CLVS2: variants seen among roughly 807,000 people sequenced by gnomAD.
CLVS2 encodes clavesin 2.
In CLVS2, 19 loss-of-function variants were observed where a neutral mutation model predicts 29.0. That is an observed-to-expected ratio of 0.66 (90% confidence interval 0.46 to 0.96). The LOEUF (loss-of-function observed/expected upper bound fraction) is 0.96, where lower values mean the gene tolerates loss of function less well. Among genes scored for constraint, CLVS2 ranks in the 40% least tolerant of loss-of-function variants. CLVS2 has a pLI of 0.00. For synonymous variants in CLVS2, 161 were observed against 151.3 expected (o/e 1.06, Z -0.47); for missense variants, 294 against 404.1 (o/e 0.73, Z 2.34).
intron 3 of CLVS2, among the ~76,000 whole-genome samples, chr6:123,047,655 CT>C (rs922879901): frequency 6.6e-5 from 10 of 152,100 alleles, no homozygotes; most frequent in Non-Finnish European, 1.3e-4. Context: ...AGTTCCTTTA[CT>C]TTTCTTTTCT....
intron 5 of CLVS2, among the ~76,000 whole-genome samples, chr6:123,061,160 G>T (rs1772772117): frequency 6.6e-6 from 1 of 152,118 alleles, no homozygotes; most frequent in African/African-American, 2.4e-5. Flanking sequence ...AATTAGCCAG[G>T]CATGGTGGTG....
chr6:123,015,438 A>G (rs1774813112), intron 3 of CLVS2, among the ~76,000 whole-genome samples: 4 of 152,070 alleles, frequency 2.6e-5, no homozygotes, highest in African/African-American at 2.4e-5. Flanking sequence ...TAGGATAGGA[A>G]GTGAAACTTT....
In CLVS2 at chr6:123,059,202, AAG is replaced by A. The variant is rs138754550; in HGVS notation, c.896+3179_896+3180del. On this transcript the variant is annotated intron_variant, in intron 5 of 5. Transcript: ENST00000275162. ...TCCCAATCAAAGGTCAGCTCCTCGA[AAG>A]AGTCTTTTGATCTTTGTCACCCACC... Among the ~76,000 whole-genome samples the A allele has an allele frequency of 5.4e-3, 829 of 152,180 alleles. 8 individuals carry two copies. Among genetic ancestry groups the A allele is most frequent in the East Asian group, 0.012 (62 of 5,170 alleles).
chr6:123,047,188 A>T (rs1229914851), intron 3 of CLVS2, among the ~76,000 whole-genome samples: 3 of 152,026 alleles, frequency 2.0e-5, no homozygotes, highest in Non-Finnish European at 4.4e-5. Flanking sequence ...ATAATTATTA[A>T]TAATAATATT....
At chr6:123,057,949 A>G (rs1220684451) in intron 5 of CLVS2, among the ~76,000 whole-genome samples, 1 of 152,148 alleles carries the variant, frequency 6.6e-6, no homozygotes, top group Non-Finnish European at 1.5e-5. Context: ...GTAAGTATGA[A>G]TGTACTATAT....
At chr6:123,007,680 A>G (rs1352921412) in intron 2 of CLVS2, among the ~76,000 whole-genome samples, 1 of 152,134 alleles carries the variant, frequency 6.6e-6, no homozygotes, top group Middle Eastern at 3.2e-3. Context: ...TCAGTTGTAA[A>G]ATTTCTTATT....
intron 4 of CLVS2, among the ~76,000 whole-genome samples, chr6:123,054,801 A>G (rs1772669770): frequency 6.6e-6 from 1 of 152,030 alleles, no homozygotes; most frequent in Non-Finnish European, 1.5e-5. Context: ...AATCTTGAGT[A>G]TGTGGCTTGA....
At chr6:123,018,683 T>A (rs200889478) in intron 3 of CLVS2, among the ~76,000 whole-genome samples, 17 of 135,098 alleles carry the variant, frequency 1.3e-4, no homozygotes, top group African/African-American at 2.5e-4. Context: ...TTTTTTTTTT[T>A]TTAAAAAAAA....
chr6:123,023,068 G>T (rs1443171600), intron 3 of CLVS2, among the ~76,000 whole-genome samples: 1 of 152,074 alleles, frequency 6.6e-6, no homozygotes, highest in Non-Finnish European at 1.5e-5. Flanking sequence ...CAGTTTTATA[G>T]ATATTTAGAA....
intron 3 of CLVS2, among the ~76,000 whole-genome samples, chr6:123,042,735 G>C (rs1775250797): frequency 6.6e-6 from 1 of 152,174 alleles, no homozygotes; most frequent in Non-Finnish European, 1.5e-5. Flanking sequence ...GAAGGCAAGT[G>C]AATGGCTTGC....
intron 4 of CLVS2, among the ~76,000 whole-genome samples, chr6:123,053,174 G>A (rs560337513): frequency 1.6e-4 from 24 of 152,056 alleles, no homozygotes; most frequent in Middle Eastern, 3.4e-3. Flanking sequence ...GTGAAACCCC[G>A]TCTCTACTAA....
In CLVS2 at chr6:122,997,284, C is replaced by G. The variant is rs1774522790; in HGVS notation, c.-494C>G. The G allele has an allele frequency of 1.2e-5, 2 of 169,546 alleles. No individual in the cohort carries two copies. Among genetic ancestry groups the G allele is most frequent in the Non-Finnish European group, 1.4e-5 (1 of 69,918 alleles). 10.5% of individuals were successfully genotyped at this position (169,546 alleles called of 1,614,324 possible). ...CCTTATTATTAATCAGAATTTCCAT[C>G]GCCACCCCTGGCAGGCGTATCCTTC... On this transcript the variant is annotated 5_prime_UTR_variant, in exon 2 of 6. In the 5' UTR this introduces an upstream ATG that the reference lacks. Coordinates refer to ENST00000275162, the MANE Select transcript of CLVS2 (RefSeq NM_001010852.4).
chr6:123,038,829 T>C (rs1051129264), intron 3 of CLVS2, among the ~76,000 whole-genome samples: 2 of 152,206 alleles, frequency 1.3e-5, no homozygotes, highest in Non-Finnish European at 2.9e-5. Context: ...CCAACATTTT[T>C]CCTAATTACA....
Position 123,033,370 on chromosome 6 carries a change from A to G in CLVS2, c.565-15252A>G, listed in dbSNP as rs540945739. On this transcript the variant is annotated intron_variant, in intron 3 of 5. Transcript: ENST00000275162. ...ATGTGGAACTAACAATGGGATAAAC[A>G]TAGATCAATAGAACAGAGGACCCAG... Among the ~76,000 whole-genome samples the G allele has an allele frequency of 6.6e-5, 10 of 152,246 alleles. No homozygotes were observed. The East Asian group carries it at 9.6e-4, about 15-fold the overall frequency.
rs201711312 is a variant in CLVS2, at chr6:123,049,811, C to CGG, written c.675+1082_675+1083dup. On this transcript the variant is annotated intron_variant, in intron 4 of 5. Transcript: ENST00000275162. Reference sequence around the variant, plus strand: ...CCGGGGCCTGTTGTGGGATGGGGGGCGGGGAGGAATAGCATTAGGAGATAT... The same window carrying CGG: ...CCGGGGCCTGTTGTGGGATGGGGGGCGGGGGGAGGAATAGCATTAGGAGATAT... Among the ~76,000 whole-genome samples the CGG allele has an allele frequency of 3.8e-5, 5 of 131,846 alleles. 1 individual carries two copies. Among genetic ancestry groups the CGG allele is most frequent in the African/African-American group, 6.9e-5 (2 of 29,062 alleles). 86.5% of individuals were successfully genotyped at this position (131,846 alleles called of 152,430 possible). A position where few individuals can be genotyped will look rare whatever the true frequency, so the allele number is the denominator to read the frequency against.
At chr6:123,054,369 T>C (rs1274713931) in intron 4 of CLVS2, among the ~76,000 whole-genome samples, 1 of 152,128 alleles carries the variant, frequency 6.6e-6, no homozygotes, top group Non-Finnish European at 1.5e-5. Context: ...CTGGTGTACT[T>C]TGGGGCAGAT....
intron 3 of CLVS2, among the ~76,000 whole-genome samples, chr6:123,020,686 T>C (rs1774907370): frequency 6.6e-6 from 1 of 152,110 alleles, no homozygotes; most frequent in African/African-American, 2.4e-5. Context: ...GTTTACTTAC[T>C]GTTTAGCCAC....
intron 3 of CLVS2, among the ~76,000 whole-genome samples, chr6:123,016,761 G>A (rs923472957): frequency 6.6e-6 from 1 of 152,106 alleles, no homozygotes; most frequent in Non-Finnish European, 1.5e-5. Flanking sequence ...ACAGAATAAA[G>A]AATATGTAAT....
At chr6:123,012,082 C>T (rs1253509022) in intron 3 of CLVS2, among the ~76,000 whole-genome samples, 1 of 151,920 alleles carries the variant, frequency 6.6e-6, no homozygotes, top group East Asian at 1.9e-4. Flanking sequence ...TGCCTCTGGA[C>T]TGAATAAGAC....
Sources: allele counts gnomAD v4.1 joint callset (sites outside exome capture counted in the v4.1 genomes callset), GRCh38; gene constraint gnomAD v4.1.1; transcripts MANE v1.5; gene names NCBI Gene and HGNC (gene_info 2026-07-23, HGNC 2026-07-21).